The following MECOM variants were observed in gnomAD, a reference collection of about 807,000 sequenced individuals.
MECOM encodes the protein MDS1 and EVI1 complex locus, also known as histone-lysine N-methyltransferase MECOM.
Under a neutral mutation model 116.3 loss-of-function variants are expected in MECOM, and 13 were observed. That is an observed-to-expected ratio of 0.11 (90% CI 0.07 to 0.18). The LOEUF is 0.18. Among genes scored for constraint, MECOM ranks in the 10% least tolerant of loss-of-function variants. The pLI, the probability that MECOM is intolerant of heterozygous loss-of-function variation, is 1.00. For synonymous variants in MECOM, 528 were observed against 535.2 expected (o/e 0.99, Z 0.19); for missense variants, 1,299 against 1,509.0 (o/e 0.86, Z 2.31).
In MECOM at chr3:169,210,012, G is replaced by A. The variant is rs143658986; in HGVS notation, c.376-66180C>T. On this transcript the variant is annotated intron_variant, in intron 2 of 16. Coordinates refer to ENST00000651503, the MANE Select transcript of MECOM (RefSeq NM_004991.4). ...ATGTGGTATATATACACCATGGAAT[G>A]CTATGCAGCCATAAAAAGGAATGCG... is the stretch of plus-strand genomic sequence containing the variant. 2.7e-3 allele frequency among the ~76,000 whole-genome samples: 412 copies of A among 152,238 alleles called. 1 individual carries two copies. The highest frequency in any genetic ancestry group is 0.01 in the South Asian group (50 of 4,814).
At chr3:169,291,697 C>T (rs909825422) in intron 2 of MECOM, among the ~76,000 whole-genome samples, 14 of 152,174 alleles carry the variant, frequency 9.2e-5, no homozygotes, top group African/African-American at 2.4e-4. Flanking sequence ...TATTTCAAGC[C>T]TCAGATGTAT....
intron 1 of MECOM, among the ~76,000 whole-genome samples, chr3:169,399,212 A>C (rs1295557485): frequency 6.6e-6 from 1 of 152,158 alleles, no homozygotes; most frequent in East Asian, 1.9e-4. Context: ...TCAAATTCAA[A>C]TTGAACCAAC....
At position 169,250,000 on chromosome 3, in the gene MECOM, A is replaced by G. The variant is rs903142079; in HGVS notation, c.376-106168T>C. ...TTACATTCTGCATATGATTAAGCAC[A>G]AACTTGCAAAGAATTAACCACTCCA... is the stretch of plus-strand genomic sequence containing the variant. On this transcript the variant is annotated intron_variant, in intron 2 of 16. Transcript: ENST00000651503. Among the ~76,000 whole-genome samples, 8 of 152,310 alleles carry G rather than the reference A, an allele frequency of 5.3e-5. No individual in the cohort carries two copies. The East Asian group carries it at 1.5e-3, about 29-fold the overall frequency.
intron 2 of MECOM, among the ~76,000 whole-genome samples, chr3:169,188,067 C>G (rs996086251): frequency 1.3e-5 from 2 of 151,996 alleles, no homozygotes; most frequent in Non-Finnish European, 2.9e-5. Flanking sequence ...ATGAAGGGAT[C>G]TACTTAGATT....
intron 2 of MECOM, among the ~76,000 whole-genome samples, chr3:169,326,643 G>A (rs1721869766): frequency 6.6e-6 from 1 of 152,106 alleles, no homozygotes; most frequent in African/African-American, 2.4e-5. Context: ...TCAATAATCG[G>A]AGTCTATTTA....
At chr3:169,594,910 T>G (rs370044099) in intron 1 of MECOM, among the ~76,000 whole-genome samples, 14 of 148,836 alleles carry the variant, frequency 9.4e-5, no homozygotes, top group African/African-American at 3.4e-4. Context: ...AAACTGGATC[T>G]ATATTCTAAA....
chr3:169,489,163 T>A (rs981120686), intron 1 of MECOM, among the ~76,000 whole-genome samples: 4 of 152,118 alleles, frequency 2.6e-5, no homozygotes, highest in African/African-American at 7.2e-5. Context: ...AAATAAAACT[T>A]ACTGAAATTG....
intron 2 of MECOM, among the ~76,000 whole-genome samples, chr3:169,281,493 CAT>C (rs1297461152): frequency 6.6e-6 from 1 of 152,094 alleles, no homozygotes; most frequent in African/African-American, 2.4e-5. Flanking sequence ...GCATCAAAAT[CAT>C]ATGTTTGATT....
Position 169,107,060 on chromosome 3 carries a change from T to G in MECOM, c.2604+866A>C, listed in dbSNP as rs138819470. Among the ~76,000 whole-genome samples the G allele has an allele frequency of 5.0e-3, 754 of 152,214 alleles. 8 individuals are homozygous for G. The highest frequency in any genetic ancestry group is 0.017 in the African/African-American group (708 of 41,538). On this transcript the variant is annotated intron_variant, in intron 10 of 16. Transcript: ENST00000651503. ...ATTAACATCAAATAGAGGAAATAGG[T>G]TAGTGCTAAAATGCTTCAATTAAGT...
intron 13 of MECOM, among the ~76,000 whole-genome samples, chr3:169,094,520 T>C (rs1012940459): frequency 6.6e-6 from 1 of 152,240 alleles, no homozygotes; most frequent in African/African-American, 2.4e-5. Context: ...TTTATCTTAC[T>C]TTCATATAAG....
rs1327875216 is a variant in MECOM at position 169,123,219 on chromosome 3, TTCTG to T, written c.831-496_831-493del. On this transcript the variant is annotated intron_variant, in intron 5 of 16. Transcript: ENST00000651503. ...CTCAAACAGAAAATGCTTAAAAGTATTCTGTCTAATGTATATAATCTCTAGTGAA... is the reference window on the plus strand; with the variant it reads ...CTCAAACAGAAAATGCTTAAAAGTATTCTAATGTATATAATCTCTAGTGAA... Among the ~76,000 whole-genome samples the T allele has an allele frequency of 2.6e-5, 4 of 151,712 alleles. No homozygotes were observed. The East Asian group carries it at 7.7e-4, about 29-fold the overall frequency.
intron 2 of MECOM, among the ~76,000 whole-genome samples, chr3:169,177,396 C>T (rs1745321602): frequency 6.6e-6 from 1 of 151,986 alleles, no homozygotes. Flanking sequence ...CATGTTCTCA[C>T]TCATAAGTGG....
chr3:169,293,732 A>C (rs1188943528), intron 2 of MECOM, among the ~76,000 whole-genome samples: 1 of 152,204 alleles, frequency 6.6e-6, no homozygotes, highest in African/African-American at 2.4e-5. Context: ...TAAAAAGTCC[A>C]TGAGGGTATG....
At chr3:169,131,808 C>T in intron 3 of MECOM, 1 of 738,306 alleles carries the variant, frequency 1.4e-6, no homozygotes. Flanking sequence ...CTAGCTGCGT[C>T]ACATATATCC....
intron 2 of MECOM, among the ~76,000 whole-genome samples, chr3:169,217,520 C>T (rs1397569941): frequency 2.6e-5 from 4 of 152,084 alleles, no homozygotes; most frequent in Non-Finnish European, 2.9e-5. Flanking sequence ...CACGGTGGCT[C>T]ACACCTGTAA....
chr3:169,606,107 T>C (rs559862051), intron 1 of MECOM, among the ~76,000 whole-genome samples: 1 of 152,204 alleles, frequency 6.6e-6, no homozygotes, highest in Non-Finnish European at 1.5e-5. Context: ...TGGTATCCAC[T>C]ACTTTGATTA....
chr3:169,382,153 T>C (rs542732226), intron 1 of MECOM, among the ~76,000 whole-genome samples: 3 of 152,200 alleles, frequency 2.0e-5, no homozygotes, highest in Non-Finnish European at 4.4e-5. Context: ...CTGAAGCCAG[T>C]GATGCCTCTG....
intron 1 of MECOM, among the ~76,000 whole-genome samples, chr3:169,508,914 G>T (rs913839334): frequency 3.3e-5 from 5 of 152,276 alleles, no homozygotes; most frequent in African/African-American, 1.2e-4. Flanking sequence ...TACAAAATAA[G>T]TGTGACGCTA....
chr3:169,178,226 G>A (rs1257663610), intron 2 of MECOM, among the ~76,000 whole-genome samples: 1 of 152,212 alleles, frequency 6.6e-6, no homozygotes, highest in Admixed American at 6.5e-5. Context: ...CAGGAACTGA[G>A]CGAAGAATGT....
Sources: gnomAD v4.1 joint callset for allele counts (sites outside exome capture counted in the v4.1 genomes callset) on GRCh38, gnomAD v4.1.1 for gene constraint, MANE v1.5 for transcripts, NCBI Gene and HGNC (gene_info 2026-07-23, HGNC 2026-07-21) for gene names.